Variants in CES3 observed in about 807,000 individuals in gnomAD.
CES3 encodes carboxylesterase 3.
CES3 carries 49 observed loss-of-function variants against 57.6 expected under a neutral mutation model. The observed-to-expected ratio is 0.85, with a 90% CI of 0.68 to 1.08. The LOEUF is 1.08. Ranked by LOEUF, CES3 falls within the 50% of genes least tolerant of loss-of-function variation. The probability of loss-of-function intolerance (pLI) is 0.00; values close to 1 mark genes in which losing one functional copy is unlikely to be tolerated. For synonymous variants in CES3, 266 were observed against 281.6 expected (o/e 0.94, Z 0.55); for missense variants, 645 against 742.0 (o/e 0.87, Z 1.52).
chr16:66,967,163 A>G (rs1000285868), intron 8 of CES3, among the ~76,000 whole-genome samples: 3 of 151,048 alleles, frequency 2.0e-5, no homozygotes, highest in African/African-American at 7.3e-5. Context: ...GCTCACTTCA[A>G]CCTCCACCTC....
In CES3 at chr16:66,971,274, G is replaced by A. The variant is rs757578436; in HGVS notation, c.1246G>A (p.Val416Ile). 1.5e-5 allele frequency: 25 copies of A among 1,613,990 alleles called. No individual in the cohort carries two copies. The South Asian group carries it at 2.2e-4, about 14-fold the overall frequency. Residue 416 changes from valine (V) to isoleucine (I), a missense_variant, in exon 10 of 13, where the codon GTA becomes ATA. Val to Ile is a conservative substitution (Grantham distance 29, BLOSUM62 3). Coordinates refer to ENST00000303334, the MANE Select transcript of CES3 (RefSeq NM_024922.6). ...GGCGTTCCAGGAATTCATGGGTGACGTATTCATCAATGTTCCCACCGTCAG... is the reference window on the plus strand; with the variant it reads ...GGCGTTCCAGGAATTCATGGGTGACATATTCATCAATGTTCCCACCGTCAG... ...CQAFQEFMGD[V>I]FINVPTVSFS... is the part of the protein sequence containing the mutation.
rs752758426 is a variant in CES3 at position 66,964,416 on chromosome 16, G to A, written c.620G>A (p.Arg207His). The A allele has an allele frequency of 1.2e-5, 19 of 1,614,012 alleles. No individual in the cohort carries two copies. The highest frequency in any genetic ancestry group is 7.7e-5 in the South Asian group (7 of 91,092). ...QGFLDVVAAL[R>H]WVQENIAPFG... Reference sequence around the variant, plus strand: ...TTCCTAGATGTGGTAGCTGCTTTGCGCTGGGTGCAAGAAAACATCGCCCCC... The same window carrying A: ...TTCCTAGATGTGGTAGCTGCTTTGCACTGGGTGCAAGAAAACATCGCCCCC... Residue 207 changes from arginine (R) to histidine (H), a missense_variant, in exon 5 of 13, where the codon CGC becomes CAC. By Grantham distance (29) the Arg-to-His change is conservative. Transcript: ENST00000303334.
chr16:66,966,970 C>T (rs1217856652), intron 8 of CES3, 105 bp downstream of exon 8: 1 of 1,345,650 alleles, frequency 7.4e-7, no homozygotes, highest in African/African-American at 1.4e-5. Context: ...CCCGTTACTC[C>T]CATTTGATAA....
chr16:66,967,869 C>A, intron 8 of CES3: 1 of 615,506 alleles, frequency 1.6e-6, no homozygotes, highest in Non-Finnish European at 2.0e-6. Flanking sequence ...CCGAGCAATC[C>A]TCCCAGCTTC....
chr16:66,969,275 G>A (rs1340877026), intron 8 of CES3, among the ~76,000 whole-genome samples: 2 of 152,084 alleles, frequency 1.3e-5, no homozygotes, highest in African/African-American at 2.4e-5. Flanking sequence ...GCACGGTGGT[G>A]CACGTCTGCG....
chr16:66,966,844 G>A lies in CES3; in HGVS notation c.1041G>A (p.Glu347=). 4 of 1,614,094 alleles carry A rather than the reference G, an allele frequency of 2.5e-6. No individual in the cohort carries two copies. Among genetic ancestry groups the A allele is most frequent in the African/African-American group, 1.3e-5 (1 of 75,030 alleles). The change falls in exon 8 of 13, where the codon GAG becomes GAA. Residue 347 remains glutamate (E), a synonymous_variant. Coordinates refer to ENST00000303334, the MANE Select transcript of CES3 (RefSeq NM_024922.6). ...VPFLMGVNNH[E]FSWLIPRGWG... The stretch of plus-strand genomic sequence containing the variant: ...TCCTCATGGGTGTCAACAACCATGA[G>A]TTCAGCTGGCTCATCCCCAGGGTGA...
intron 9 of CES3, 31 bp from the exon 10 acceptor site, chr16:66,971,141 G>A (rs199534365): frequency 2.5e-6 from 4 of 1,599,716 alleles, no homozygotes; most frequent in Non-Finnish European, 3.4e-6. Context: ...TGTGCACCCT[G>A]AGCAGGGCTG....
Position 66,971,250 on chromosome 16 carries a change from G to A in CES3, c.1222G>A (p.Ala408Thr). ...SNSDAQAKCQ[A>T]FQEFMGDVFI... ...CTCGGACGCACAAGCCAAATGCCAGGCGTTCCAGGAATTCATGGGTGACGT... is the reference window on the plus strand; with the variant it reads ...CTCGGACGCACAAGCCAAATGCCAGACGTTCCAGGAATTCATGGGTGACGT... The change falls in exon 10 of 13, where the codon GCG becomes ACG. Residue 408 changes from alanine to threonine, a missense_variant. Physicochemically the swap from Ala to Thr is moderately conservative, Grantham distance 58. Coordinates refer to ENST00000303334, the MANE Select transcript of CES3 (RefSeq NM_024922.6). The A allele has an allele frequency of 6.2e-7, 1 of 1,614,092 alleles. No homozygotes were observed.
rs752517765 is a variant in CES3 at position 66,963,392 on chromosome 16, T to C, written c.287+9T>C. Reference sequence around the variant, plus strand: ...AGCACTGCGCCCCCAATGTGAGTAGTGCTGGTGGAGGCGGGCAAACAGGCA... The same window carrying C: ...AGCACTGCGCCCCCAATGTGAGTAGCGCTGGTGGAGGCGGGCAAACAGGCA... On this transcript the variant is annotated intron_variant, in intron 2 of 12. Transcript: ENST00000303334. The surrounding 1 kb of genome is among the most constrained non-coding windows in gnomAD (Gnocchi z 4.9). 6.2e-7 allele frequency: 1 copy of C among 1,612,606 alleles called. No individual in the cohort carries two copies. Among genetic ancestry groups the C allele is most frequent in the Admixed American group, 1.7e-5 (1 of 60,024 alleles).
In CES3 at chr16:66,966,691, A is replaced by C. The variant is rs551658352; in HGVS notation, c.922-34A>C. 2.2e-5 allele frequency: 35 copies of C among 1,613,224 alleles called. No individual in the cohort carries two copies. The South Asian group carries it at 3.6e-4, about 17-fold the overall frequency. ...TCCTAGCCTTTGAGGCTTGGCCCTA[A>C]CTTGGGAGCCTCCTGCATTGCTTTC... is the stretch of plus-strand genomic sequence containing the variant. On this transcript the variant is annotated intron_variant, in intron 7 of 12. Transcript: ENST00000303334.
At chr16:66,961,612 G>A (rs1428486567) in intron 1 of CES3, among the ~76,000 whole-genome samples, 1 of 152,170 alleles carries the variant, frequency 6.6e-6, no homozygotes, top group Non-Finnish European at 1.5e-5. Context: ...TACCCAGGCT[G>A]GAGTGCAATG....
chr16:66,968,808 G>T (rs987075713), intron 8 of CES3, among the ~76,000 whole-genome samples: 2 of 152,092 alleles, frequency 1.3e-5, no homozygotes, highest in Non-Finnish European at 2.9e-5. Flanking sequence ...CAGCTACTCA[G>T]GAGGCTGAGG....
Position 66,963,521 on chromosome 16 carries a change from C to T in CES3, c.318C>T (p.Ser106=), listed in dbSNP as rs1406133802. Reference sequence around the variant, plus strand: ...TACAAGACGTGGAGAGCATGAACAGCAGCAGATTTGTCCTCAACGGAAAAC... The same window carrying T: ...TACAAGACGTGGAGAGCATGAACAGTAGCAGATTTGTCCTCAACGGAAAAC... ...MCLQDVESMN[S]SRFVLNGKQQ... The change falls in exon 3 of 13, where the codon AGC becomes AGT. Residue 106 remains serine (S), a synonymous_variant. Transcript: ENST00000303334. This position sits in a 1 kb window ranked among gnomAD's most constrained non-coding sequence, Gnocchi z 4.9. The T allele has an allele frequency of 3.7e-6, 6 of 1,614,138 alleles. No individual in the cohort carries two copies. In the African/African-American group the frequency reaches 5.3e-5, roughly 14 times the overall value.
chr16:66,967,849 C>A, intron 8 of CES3: 3 of 760,910 alleles, frequency 3.9e-6, no homozygotes, highest in African/African-American at 1.9e-5. Flanking sequence ...ACTGCCTCAA[C>A]CTCTCAGGCC....
At position 66,966,356 on chromosome 16, in the gene CES3, C is replaced by G. The variant is rs767441063; in HGVS notation, c.921+11C>G. On this transcript the variant is annotated intron_variant, in intron 7 of 12. Transcript: ENST00000303334. ...CTTAGCAAGAAGCTGGTATGGCCAC[C>G]CTTTTGGGGATGGTGCCGGGCAATG... 5 of 1,612,274 alleles carry G rather than the reference C, an allele frequency of 3.1e-6. No individual in the cohort carries two copies. The highest frequency in any genetic ancestry group is 2.2e-5 in the East Asian group (1 of 44,854).
Position 66,963,868 on chromosome 16 carries a change from C to G in CES3, c.493C>G (p.Leu165Val). The change falls in exon 4 of 13, where the codon CTG becomes GTG. Residue 165 changes from leucine (L) to valine (V), a missense_variant. Leu to Val is a conservative substitution (Grantham distance 32). Coordinates refer to ENST00000303334, the MANE Select transcript of CES3 (RefSeq NM_024922.6). This position sits in a 1 kb window ranked among gnomAD's most constrained non-coding sequence, Gnocchi z 4.9. ...GAATSYDGSA[L>V]AAYGDVVVVT... The stretch of plus-strand genomic sequence containing the variant: ...TGCCACCTCCTACGATGGATCAGCT[C>G]TGGCTGCCTATGGGGATGTGGTCGT... The G allele has an allele frequency of 6.2e-7, 1 of 1,614,200 alleles. No individual in the cohort carries two copies. The highest frequency in any genetic ancestry group is 8.5e-7 in the Non-Finnish European group (1 of 1,180,018).
At chr16:66,970,941 T>C (rs2145540487) in intron 9 of CES3, among the ~76,000 whole-genome samples, 1 of 152,232 alleles carries the variant, frequency 6.6e-6, no homozygotes, top group South Asian at 2.1e-4. Context: ...TTCAGAGAGG[T>C]TTAGCCACCT....
At position 66,964,677 on chromosome 16, in the gene CES3, G is replaced by T; in HGVS notation, c.769G>T (p.Val257Phe). The change falls in exon 6 of 13, where the codon GTC (valine) becomes TTC (phenylalanine). Residue 257 changes from valine to phenylalanine, a missense_variant. Physicochemically the swap from Val to Phe is conservative, Grantham distance 50 (BLOSUM62 -1). Coordinates refer to ENST00000303334, the MANE Select transcript of CES3 (RefSeq NM_024922.6). ...CCACAGAGCCATCACACAGAGTGGG[G>T]TCATCACCACCCCAGGGATCATCGA... ...LFHRAITQSG[V>F]ITTPGIIDSH... 6.2e-7 allele frequency: 1 copy of T among 1,614,068 alleles called. No individual in the cohort carries two copies. The highest frequency in any genetic ancestry group is 8.5e-7 in the Non-Finnish European group (1 of 1,179,998).
At chr16:66,966,097 G>A (rs1963725542) in intron 6 of CES3, 147 bp from the exon 7 acceptor site, 1 of 668,340 alleles carries the variant, frequency 1.5e-6, no homozygotes, top group East Asian at 2.8e-5. Context: ...TCTCAGGAGT[G>A]GTGACAAGTC....
Sources: gnomAD v4.1 joint callset for allele counts (sites outside exome capture counted in the v4.1 genomes callset) on GRCh38, gnomAD v4.1.1 for gene constraint, Gnocchi (gnomAD v3.1) non-coding constraint, MANE v1.5 for transcripts, NCBI Gene and HGNC (gene_info 2026-07-23, HGNC 2026-07-21) for gene names.